ARHGEF28: variants seen among roughly 807,000 people sequenced by gnomAD.
ARHGEF28 encodes the protein Rho guanine nucleotide exchange factor 28.
Under a neutral mutation model 206.6 loss-of-function variants are expected in ARHGEF28, and 152 were observed. The observed-to-expected ratio is 0.74, with a 90% CI of 0.64 to 0.84. The LOEUF (loss-of-function observed/expected upper bound fraction) is 0.84. Ranked by LOEUF, ARHGEF28 falls within the 40% of genes least tolerant of loss-of-function variation. ARHGEF28 has a pLI of 0.00. For synonymous variants in ARHGEF28, 763 were observed against 776.4 expected (o/e 0.98, Z 0.29); for missense variants, 2,028 against 2,073.2 (o/e 0.98, Z 0.42).
intron 1 of ARHGEF28, among the ~76,000 whole-genome samples, chr5:73,636,577 G>C (rs1368664626): frequency 6.6e-6 from 1 of 152,154 alleles, no homozygotes; most frequent in East Asian, 1.9e-4. Flanking sequence ...GTGTGAGTTG[G>C]AAGTGATTGC....
At chr5:73,840,229 T>G (rs1757899963) in intron 10 of ARHGEF28, among the ~76,000 whole-genome samples, 1 of 152,130 alleles carries the variant, frequency 6.6e-6, no homozygotes, top group Non-Finnish European at 1.5e-5. Flanking sequence ...ATTCTCCTGC[T>G]TCAGTCTCTG....
intron 4 of ARHGEF28, among the ~76,000 whole-genome samples, chr5:73,765,631 A>G (rs934730742): frequency 6.6e-6 from 1 of 152,202 alleles, no homozygotes; most frequent in Non-Finnish European, 1.5e-5. Context: ...TTTATTCTGA[A>G]CAAAAGTAAG....
chr5:73,909,357 A>G (rs767612231), intron 33 of ARHGEF28, 55 bp from the exon 34 acceptor site: 248 of 1,527,088 alleles, frequency 1.6e-4, no homozygotes, highest in Non-Finnish European at 2.0e-4. Flanking sequence ...CGAAAGGGTA[A>G]ACAATAACCA....
intron 31 of ARHGEF28, chr5:73,903,163 T>C (rs572318134): frequency 1.2e-4 from 18 of 152,324 alleles, no homozygotes; most frequent in African/African-American, 4.3e-4. Flanking sequence ...CCTAAACTAA[T>C]TGAATTTAAC....
intron 22 of ARHGEF28, among the ~76,000 whole-genome samples, chr5:73,873,547 C>G (rs1760247351): frequency 1.3e-5 from 2 of 152,122 alleles, no homozygotes; most frequent in South Asian, 4.1e-4. Flanking sequence ...TTACAGTGGT[C>G]TGCAACACTT....
intron 2 of ARHGEF28, among the ~76,000 whole-genome samples, chr5:73,690,951 G>A (rs1207253223): frequency 1.3e-5 from 2 of 150,848 alleles, no homozygotes; most frequent in Non-Finnish European, 3.0e-5. Context: ...TTTTTTTTGA[G>A]ACAAATTCTC....
At chr5:73,739,781 A>G (rs1445120430) in intron 2 of ARHGEF28, among the ~76,000 whole-genome samples, 2 of 150,926 alleles carry the variant, frequency 1.3e-5, no homozygotes, top group Non-Finnish European at 2.9e-5. Flanking sequence ...ACTGCACTCC[A>G]GTCTGGGGTA....
Position 73,795,372 on chromosome 5 carries a change from C to A in ARHGEF28, c.1005C>A (p.Asp335Glu), listed in dbSNP as rs781464734. 3.1e-6 allele frequency: 5 copies of A among 1,613,732 alleles called. No individual in the cohort carries two copies. In the South Asian group the frequency reaches 4.4e-5, roughly 14 times the overall value. ...SLVVQHNEHE[D>E]QHSLDLDRSF... ...TGGTTCAACACAATGAACATGAAGA[C>A]CAGCACAGCCTAGATTTGGGTATGA... Residue 335 changes from aspartate (D) to glutamate (E), a missense_variant, in exon 9 of 36, where the codon GAC (aspartate) becomes GAA (glutamate). This residue lies in a region of ARHGEF28 where 1,002 missense variants were observed against 1,015.3 expected (regional missense o/e 0.99). Coordinates refer to ENST00000513042, the MANE Select transcript of ARHGEF28 (RefSeq NM_001177693.2).
At chr5:73,791,904 A>G (rs1350687682) in intron 7 of ARHGEF28, among the ~76,000 whole-genome samples, 4 of 152,190 alleles carry the variant, frequency 2.6e-5, no homozygotes, top group Non-Finnish European at 2.9e-5. Context: ...AGTTACTGAT[A>G]CCATTATCTG....
chr5:73,917,752 G>A (rs1247403836), intron 35 of ARHGEF28, among the ~76,000 whole-genome samples: 1 of 152,226 alleles, frequency 6.6e-6, no homozygotes, highest in African/African-American at 2.4e-5. Context: ...ATGCTCCAGA[G>A]AGCATCAGAG....
intron 4 of ARHGEF28, among the ~76,000 whole-genome samples, chr5:73,767,909 G>T (rs1403670551): frequency 1.3e-5 from 2 of 152,116 alleles, no homozygotes; most frequent in Non-Finnish European, 2.9e-5. Flanking sequence ...TGGGCCCAGG[G>T]TCCCCATGTT....
chr5:73,658,991 A>ACACG (rs1554051366), intron 1 of ARHGEF28, among the ~76,000 whole-genome samples: 2 of 150,648 alleles, frequency 1.3e-5, no homozygotes, highest in African/African-American at 2.4e-5. Context: ...ACACACACAC[A>ACACG]CACACACACA....
At chr5:73,882,059 A>T (rs2973527) in intron 22 of ARHGEF28, among the ~76,000 whole-genome samples, 103,272 of 151,938 alleles carry the variant, frequency 0.68, 36,972 homozygotes, top group African/African-American at 0.92. Context: ...GGTTAGCCAA[A>T]GTAAATGTCA....
intron 24 of ARHGEF28, among the ~76,000 whole-genome samples, chr5:73,885,454 G>A (rs1010581292): frequency 6.6e-6 from 1 of 151,566 alleles, no homozygotes; most frequent in Non-Finnish European, 1.5e-5. Context: ...GGGTGGTACA[G>A]AGTGGTATTA....
chr5:73,749,627 G>A (rs1751919636), intron 2 of ARHGEF28, among the ~76,000 whole-genome samples: 1 of 152,178 alleles, frequency 6.6e-6, no homozygotes, highest in Admixed American at 6.5e-5. Context: ...GAACAAACCA[G>A]CTCTGATACC....
intron 1 of ARHGEF28, among the ~76,000 whole-genome samples, chr5:73,643,595 G>T (rs901969535): frequency 6.6e-6 from 1 of 152,008 alleles, no homozygotes; most frequent in Admixed American, 6.6e-5. Flanking sequence ...CAGGCGGATC[G>T]CTTGAACACA....
At chr5:73,865,922 ATACTTTGATCT>A (rs769019765) in intron 17 of ARHGEF28, 32 bp from the exon 18 acceptor site, 1 of 1,365,092 alleles carries the variant, frequency 7.3e-7, no homozygotes, top group Non-Finnish European at 1.0e-6. Flanking sequence ...TAGTCTAATG[ATACTTTGATCT>A]TACTTTATGT....
chr5:73,665,403 C>T (rs1745890140), intron 1 of ARHGEF28, among the ~76,000 whole-genome samples: 1 of 152,142 alleles, frequency 6.6e-6, no homozygotes, highest in South Asian at 2.1e-4. Flanking sequence ...CTTACTGCAG[C>T]TTCAAACTCC....
At position 73,894,477 on chromosome 5, in the gene ARHGEF28, G is replaced by A; in HGVS notation, c.3743G>A (p.Gly1248Glu). The stretch of plus-strand genomic sequence containing the variant: ...TATGCTGAACTTGGAGAACTGAGCG[G>A]ATTTGAGGACGTCCATCTAGAGCCC... ...HIYAELGELS[G>E]FEDVHLEPHL... is the part of the protein sequence containing the mutation. The change falls in exon 29 of 36, where the codon GGA becomes GAA. Residue 1248 changes from glycine to glutamate, a missense_variant. Transcript: ENST00000513042. 1 of 1,613,946 alleles carries A rather than the reference G, an allele frequency of 6.2e-7. No homozygotes were observed. The highest frequency in any genetic ancestry group is 8.5e-7 in the Non-Finnish European group (1 of 1,179,880).
Sources: allele counts gnomAD v4.1 joint callset (sites outside exome capture counted in the v4.1 genomes callset), GRCh38; gene constraint gnomAD v4.1.1; regional missense constraint gnomAD v4.1.1; transcripts MANE v1.5; gene names NCBI Gene and HGNC (gene_info 2026-07-23, HGNC 2026-07-21).